NAALADL2: variants seen among roughly 807,000 people sequenced by gnomAD.
The protein encoded by NAALADL2 is N-acetylated alpha-linked acidic dipeptidase like 2, also known as inactive N-acetylated-alpha-linked acidic dipeptidase-like protein 2.
Under a neutral mutation model 87.2 loss-of-function variants are expected in NAALADL2, and 76 were observed. The ratio of observed to expected loss-of-function variants is 0.87; its 90% confidence interval spans 0.72 to 1.05. NAALADL2 has a LOEUF of 1.05. Among genes scored for constraint, NAALADL2 ranks in the 50% least tolerant of loss-of-function variants. The pLI is 0.00. For synonymous variants in NAALADL2, 354 were observed against 331.0 expected (o/e 1.07, Z -0.75); for missense variants, 1,089 against 945.8 (o/e 1.15, Z -1.99).
At chr3:175,143,118 C>T (rs374309307) in intron 2 of NAALADL2, among the ~76,000 whole-genome samples, 27 of 151,952 alleles carry the variant, frequency 1.8e-4, no homozygotes, top group East Asian at 1.5e-3. Context: ...TCAACCTCTT[C>T]ATTCACAAAT....
intron 1 of NAALADL2, among the ~76,000 whole-genome samples, chr3:175,031,811 T>C (rs371703627): frequency 2.0e-5 from 3 of 152,102 alleles, no homozygotes; most frequent in Non-Finnish European, 4.4e-5. Context: ...ATAACCATTC[T>C]GACTGGTGTG....
intron 11 of NAALADL2, among the ~76,000 whole-genome samples, chr3:175,635,133 T>C (rs1030885700): frequency 6.6e-6 from 1 of 152,102 alleles, no homozygotes; most frequent in East Asian, 1.9e-4. Context: ...AACTGTATTT[T>C]CTCTTGCCTA....
intron 3 of NAALADL2, among the ~76,000 whole-genome samples, chr3:174,809,553 C>A (rs1719918115): frequency 6.6e-6 from 1 of 152,050 alleles, no homozygotes; most frequent in South Asian, 2.1e-4. Flanking sequence ...GCAAGCCTTT[C>A]TAATAACTTG....
intron 2 of NAALADL2, among the ~76,000 whole-genome samples, chr3:175,229,016 A>G (rs1744561326): frequency 6.6e-6 from 1 of 151,956 alleles, no homozygotes; most frequent in Admixed American, 6.6e-5. Context: ...AATTAAAGAA[A>G]TAAAACATAC....
At chr3:175,468,983 A>G (rs73169405) in intron 8 of NAALADL2, among the ~76,000 whole-genome samples, 2,465 of 152,220 alleles carry the variant, frequency 0.016, 26 homozygotes, top group Non-Finnish European at 0.026. Context: ...AACAACTACA[A>G]TGTGGGAGTT....
intron 1 of NAALADL2, among the ~76,000 whole-genome samples, chr3:174,889,396 T>G (rs1730593705): frequency 6.6e-6 from 1 of 152,168 alleles, no homozygotes; most frequent in African/African-American, 2.4e-5. Context: ...CAAAAGGATG[T>G]GGGATTTACA....
chr3:174,861,607 C>T (rs185634194), intron 1 of NAALADL2, among the ~76,000 whole-genome samples: 4 of 152,034 alleles, frequency 2.6e-5, no homozygotes, highest in East Asian at 1.9e-4. Context: ...GGATGACTTA[C>T]GTGTTTTGAC....
At chr3:174,625,812 C>T (rs1311238881) in intron 2 of NAALADL2, among the ~76,000 whole-genome samples, 1 of 151,908 alleles carries the variant, frequency 6.6e-6, no homozygotes, top group African/African-American at 2.4e-5. Context: ...ACTATATATA[C>T]ATTTAATTGC....
At chr3:174,527,207 A>G (rs1213710273) in intron 1 of NAALADL2, among the ~76,000 whole-genome samples, 1 of 152,140 alleles carries the variant, frequency 6.6e-6, no homozygotes, top group Non-Finnish European at 1.5e-5. Flanking sequence ...TTAAGAAAAC[A>G]GACATATATC....
intron 1 of NAALADL2, among the ~76,000 whole-genome samples, chr3:174,508,156 C>T (rs1416712630): frequency 2.4e-5 from 3 of 124,054 alleles, no homozygotes; most frequent in Admixed American, 9.5e-5. Flanking sequence ...CTCTGTTGCC[C>T]AGGCTGGACT....
Position 175,671,003 on chromosome 3 carries a change from T to A in NAALADL2, c.1896+43617T>A, listed in dbSNP as rs532260735. 4.6e-4 allele frequency among the ~76,000 whole-genome samples: 69 copies of A among 149,474 alleles called. 1 individual carries two copies. The East Asian group carries it at 4.9e-3, about 11-fold the overall frequency. ...AGTGACCTCAAGTTGTAAAAAAAAATAATAATAATAAGCAAAAAAGCGAGA... is the reference window on the plus strand; with the variant it reads ...AGTGACCTCAAGTTGTAAAAAAAAAAAATAATAATAAGCAAAAAAGCGAGA... On this transcript the variant is annotated intron_variant, in intron 11 of 13. Coordinates refer to ENST00000454872, the MANE Select transcript of NAALADL2 (RefSeq NM_207015.3).
At chr3:175,119,876 G>GTA (rs1277688468) in intron 2 of NAALADL2, among the ~76,000 whole-genome samples, 2 of 123,520 alleles carry the variant, frequency 1.6e-5, no homozygotes, top group African/African-American at 6.1e-5. Context: ...ATGTGTATGT[G>GTA]TATATATATA....
intron 3 of NAALADL2, among the ~76,000 whole-genome samples, chr3:174,833,812 A>T (rs973528860): frequency 6.6e-6 from 1 of 151,288 alleles, no homozygotes; most frequent in Non-Finnish European, 1.5e-5. Context: ...CTATATAATT[A>T]TCTAAACAGA....
chr3:175,496,800 T>A (rs1560652636), intron 9 of NAALADL2, among the ~76,000 whole-genome samples: 1 of 152,068 alleles, frequency 6.6e-6, no homozygotes, highest in Non-Finnish European at 1.5e-5. Flanking sequence ...GCTCAAGCGA[T>A]CCACCTGCCT....
chr3:175,437,261 A>G (rs1718850909), intron 5 of NAALADL2, among the ~76,000 whole-genome samples: 1 of 148,852 alleles, frequency 6.7e-6, no homozygotes, highest in Admixed American at 6.8e-5. Flanking sequence ...GTCTCAGGAT[A>G]CAAAATCAAT....
chr3:175,086,239 C>T (rs912290589), intron 1 of NAALADL2, among the ~76,000 whole-genome samples: 2 of 152,068 alleles, frequency 1.3e-5, no homozygotes, highest in African/African-American at 2.4e-5. Flanking sequence ...TCATTCTCAA[C>T]ACATAGGAAA....
At chr3:174,661,617 G>T (rs538098992) in intron 2 of NAALADL2, among the ~76,000 whole-genome samples, 6 of 151,888 alleles carry the variant, frequency 4.0e-5, no homozygotes, top group African/African-American at 1.4e-4. Context: ...GTGTAGTTTT[G>T]TTACCTGGGT....
chr3:174,673,594 G>A (rs935384651), intron 2 of NAALADL2, among the ~76,000 whole-genome samples: 6 of 150,710 alleles, frequency 4.0e-5, no homozygotes, highest in African/African-American at 7.3e-5. Context: ...AACTAAAAGC[G>A]GATCTCATGG....
chr3:175,147,842 G>A (rs1404830048), intron 2 of NAALADL2, among the ~76,000 whole-genome samples: 1 of 151,982 alleles, frequency 6.6e-6, no homozygotes, highest in Non-Finnish European at 1.5e-5. Flanking sequence ...AGTCAAGGCA[G>A]GTGGAAAGCC....
Sources: allele counts gnomAD v4.1 joint callset (sites outside exome capture counted in the v4.1 genomes callset), GRCh38; gene constraint gnomAD v4.1.1; transcripts MANE v1.5; gene names NCBI Gene and HGNC (gene_info 2026-07-23, HGNC 2026-07-21).